The following FARP2 variants were observed in gnomAD, a reference collection of about 807,000 sequenced individuals.
FARP2 encodes FERM, ARH/RhoGEF and pleckstrin domain protein 2, also known as FERM, ARHGEF and pleckstrin domain-containing protein 2.
Under a neutral mutation model 130.5 loss-of-function variants are expected in FARP2, and 111 were observed. The observed-to-expected ratio is 0.85, with a 90% CI of 0.73 to 1.00. FARP2 has a LOEUF of 1.00. FARP2 is among the 50% of genes least tolerant of loss of function. The probability of loss-of-function intolerance (pLI) is 0.00; values close to 1 mark genes in which losing one functional copy is unlikely to be tolerated. For synonymous variants in FARP2, 504 were observed against 516.9 expected, an observed-to-expected ratio of 0.98 and a Z score of 0.34; for missense variants, 1,385 against 1,346.3, an observed-to-expected ratio of 1.03 and a Z score of -0.45.
At chr2:241,400,984 C>CTG (rs1462114765) in intron 2 of FARP2, among the ~76,000 whole-genome samples, 1 of 152,186 alleles carries the variant, frequency 6.6e-6, no homozygotes, top group Non-Finnish European at 1.5e-5. Flanking sequence ...TGCCCACAGG[C>CTG]ATCAGAGTAA....
At chr2:241,406,909 G>T (rs1488057798) in intron 4 of FARP2, among the ~76,000 whole-genome samples, 1 of 152,130 alleles carries the variant, frequency 6.6e-6, no homozygotes, top group Admixed American at 6.5e-5. Flanking sequence ...CCGGGTTCAC[G>T]CCATTGTCCT....
chr2:241,406,343 G>GA (rs1038419541), intron 4 of FARP2, among the ~76,000 whole-genome samples: 2 of 151,344 alleles, frequency 1.3e-5, no homozygotes, highest in East Asian at 1.9e-4. Context: ...ATAAACTGGG[G>GA]AAAAAATGTC....
intron 2 of FARP2, among the ~76,000 whole-genome samples, chr2:241,399,340 C>G (rs918325607): frequency 1.3e-5 from 2 of 152,246 alleles, no homozygotes; most frequent in South Asian, 4.1e-4. Context: ...GAGTCTAGCT[C>G]TCTCGCACAG....
intron 8 of FARP2, among the ~76,000 whole-genome samples, chr2:241,420,492 GC>G (rs750896009): frequency 1.5e-4 from 23 of 152,192 alleles, no homozygotes; most frequent in Non-Finnish European, 3.2e-4. Flanking sequence ...CAGAATTTGA[GC>G]CTTGTGAATG....
intron 1 of FARP2, among the ~76,000 whole-genome samples, chr2:241,369,441 A>G (rs910545201): frequency 6.6e-6 from 1 of 152,066 alleles, no homozygotes; most frequent in African/African-American, 2.4e-5. Flanking sequence ...TCTCCCATCA[A>G]GAAGGGACCA....
At position 241,453,447 on chromosome 2, in the gene FARP2, C is replaced by T. The variant is rs187443429; in HGVS notation, c.1412-3300C>T. On this transcript the variant is annotated intron_variant, in intron 13 of 26. Transcript: ENST00000264042. Reference sequence around the variant, plus strand: ...ACCATCCTGGCTAACATGGTGAAACCCCGTCTCTACTAAAAATACAAAAAA... The same window carrying T: ...ACCATCCTGGCTAACATGGTGAAACTCCGTCTCTACTAAAAATACAAAAAA... Among the ~76,000 whole-genome samples, 1,082 of 151,772 alleles carry T rather than the reference C, an allele frequency of 7.1e-3. 14 individuals carry two copies. Among genetic ancestry groups the T allele is most frequent in the Admixed American group, 0.03 (458 of 15,226 alleles).
At chr2:241,423,889 G>A (rs971415576) in intron 8 of FARP2, among the ~76,000 whole-genome samples, 3 of 151,988 alleles carry the variant, frequency 2.0e-5, no homozygotes, top group Admixed American at 1.3e-4. Flanking sequence ...ATGGTAAAGG[G>A]TTCAACAAGA....
chr2:241,407,489 A>C (rs767380048), intron 4 of FARP2, 48 bp from the exon 5 acceptor site: 2 of 1,339,130 alleles, frequency 1.5e-6, no homozygotes, highest in Non-Finnish European at 2.2e-6. Context: ...AAAGAGAATA[A>C]ATGCAAAGAT....
At chr2:241,463,193 T>C (rs2064071425) in intron 15 of FARP2, 142 bp from the exon 16 acceptor site, 1 of 737,656 alleles carries the variant, frequency 1.4e-6, no homozygotes, top group South Asian at 2.2e-5. Context: ...AGAGGATGGC[T>C]GTAGTGCTGA....
At chr2:241,375,872 T>A (rs2061525025) in intron 2 of FARP2, among the ~76,000 whole-genome samples, 1 of 151,928 alleles carries the variant, frequency 6.6e-6, no homozygotes, top group African/African-American at 2.4e-5. Context: ...GGACTACAGG[T>A]GTGAGCCACT....
At chr2:241,427,238 AAC>A (rs372290870) in intron 8 of FARP2, among the ~76,000 whole-genome samples, 2 of 151,774 alleles carry the variant, frequency 1.3e-5, no homozygotes, top group Non-Finnish European at 2.9e-5. Context: ...TCTGTCTCAA[AAC>A]ACACACACAC....
chr2:241,387,398 A>G (rs2061809864), intron 2 of FARP2: 1 of 152,244 alleles, frequency 6.6e-6, no homozygotes, highest in South Asian at 2.1e-4. Flanking sequence ...TATTAGAACT[A>G]ATAAACGATT....
chr2:241,460,606 T>C (rs557319146), intron 14 of FARP2, among the ~76,000 whole-genome samples: 16 of 152,348 alleles, frequency 1.1e-4, no homozygotes, highest in African/African-American at 3.8e-4. Context: ...GAGATTTTAC[T>C]GAATTTGGAT....
intron 17 of FARP2, 35 bp from the exon 18 acceptor site, chr2:241,468,105 C>A: frequency 7.2e-7 from 1 of 1,392,958 alleles, no homozygotes; most frequent in Non-Finnish European, 1.0e-6. Flanking sequence ...TCCTACATCT[C>A]CTCACCTAAA....
intron 2 of FARP2, among the ~76,000 whole-genome samples, chr2:241,378,544 C>A (rs1295076451): frequency 6.6e-6 from 1 of 151,756 alleles, no homozygotes; most frequent in East Asian, 1.9e-4. Context: ...TCTTGAGTAG[C>A]TGGAACTACA....
chr2:241,493,620 C>T (rs1353321664), intron 26 of FARP2, 176 bp downstream of exon 26: 30 of 596,622 alleles, frequency 5.0e-5, no homozygotes, highest in Non-Finnish European at 7.6e-5. Flanking sequence ...TTGGAGATGG[C>T]GTCTCCCTCT....
intron 18 of FARP2, among the ~76,000 whole-genome samples, chr2:241,469,239 A>AC (rs1375118812): frequency 6.6e-6 from 1 of 151,836 alleles, no homozygotes; most frequent in Non-Finnish European, 1.5e-5. Context: ...GGCGCCCGCC[A>AC]CCACACCCAG....
At chr2:241,492,862 G>A in intron 24 of FARP2, 67 bp from the exon 25 acceptor site, 4 of 911,120 alleles carry the variant, frequency 4.4e-6, no homozygotes, top group South Asian at 1.4e-5. Flanking sequence ...GTCTTGGGGA[G>A]CAAACCCACT....
rs2064680758 is a variant in FARP2 at position 241,483,630 on chromosome 2, T to C, written c.2331+97T>C. 10 of 1,384,450 alleles carry C rather than the reference T, an allele frequency of 7.2e-6. No individual in the cohort carries two copies. The South Asian group carries it at 1.1e-4, about 15-fold the overall frequency. The allele number at this position is 1,384,450 out of a possible 1,614,324, so 85.8% of individuals were successfully genotyped here. ...CCTGCAGCGGCAGCCCATTGGCCTC[T>C]GGGTAGTTTAGCACTTGGAGGCTTT... On this transcript the variant is annotated intron_variant, in intron 20 of 26. Coordinates refer to ENST00000264042, the MANE Select transcript of FARP2 (RefSeq NM_014808.4).
Sources: allele counts gnomAD v4.1 joint callset (sites outside exome capture counted in the v4.1 genomes callset), GRCh38; gene constraint gnomAD v4.1.1; transcripts MANE v1.5; gene names NCBI Gene and HGNC (gene_info 2026-07-23, HGNC 2026-07-21).